KCTD2: variants seen among roughly 807,000 people sequenced by gnomAD.
The protein encoded by KCTD2 is potassium channel tetramerization domain containing 2, also known as BTB/POZ domain-containing protein KCTD2.
Under a neutral mutation model 27.9 loss-of-function variants are expected in KCTD2, and 18 were observed. That is an observed-to-expected ratio of 0.64 (90% CI 0.45 to 0.96). KCTD2 has a LOEUF of 0.96. Among genes scored for constraint, KCTD2 ranks in the 40% least tolerant of loss-of-function variants. The pLI is 0.00. For synonymous variants in KCTD2, 175 were observed against 148.4 expected, an observed-to-expected ratio of 1.18 and a Z score of -1.30; for missense variants, 280 against 348.0, an observed-to-expected ratio of 0.80 and a Z score of 1.56.
intron 2 of KCTD2, among the ~76,000 whole-genome samples, chr17:75,034,399 AAAAGAAACC>A (rs1185700664): frequency 1.3e-5 from 2 of 152,144 alleles, no homozygotes; most frequent in Non-Finnish European, 2.9e-5. Context: ...TGCCGGCACC[AAAAGAAACC>A]TTGCGAGCAC....
intron 1 of KCTD2, 115 bp downstream of exon 1, chr17:75,047,704 C>G: frequency 1.0e-6 from 1 of 975,602 alleles, no homozygotes; most frequent in Non-Finnish European, 1.5e-6. Flanking sequence ...GGCCGGGACC[C>G]CATCCTCCCC....
At chr17:75,045,089 T>G (rs187690080), upstream of KCTD2, among the ~76,000 whole-genome samples, 199 of 152,266 alleles carry the variant, frequency 1.3e-3, no homozygotes, top group Non-Finnish European at 1.2e-4. Flanking sequence ...AGAGAGAAAT[T>G]TTAAAGCTGG....
rs899498847 is a variant in KCTD2, at chr17:75,060,536, C to T, written c.636+931C>T. On this transcript the variant is annotated intron_variant, in intron 4 of 5. Transcript: ENST00000322444. ...AGCCAAGACCAGCTGCTCTTGATGCCCTTTTCACTTCTGTGTTGTCCTGGT... is the reference window on the plus strand; with the variant it reads ...AGCCAAGACCAGCTGCTCTTGATGCTCTTTTCACTTCTGTGTTGTCCTGGT... 4.3e-6 allele frequency: 7 copies of T among 1,612,742 alleles called. No homozygotes were observed. The African/African-American group carries it at 8.0e-5, about 18-fold the overall frequency.
chr17:75,035,199 C>T (rs962669808), intron 2 of KCTD2: 2 of 152,024 alleles, frequency 1.3e-5, no homozygotes, highest in Non-Finnish European at 2.9e-5. Flanking sequence ...CGTTTTAATC[C>T]CTGCAACTAT....
chr17:75,061,183 C>T (rs1434301249), intron 4 of KCTD2, among the ~76,000 whole-genome samples: 2 of 152,196 alleles, frequency 1.3e-5, no homozygotes, highest in African/African-American at 2.4e-5. Flanking sequence ...AAGTTTGTTT[C>T]AGACAGGCGG....
At chr17:75,059,788 G>T (rs1198383903) in intron 4 of KCTD2, among the ~76,000 whole-genome samples, 183 bp downstream of exon 4, 1 of 152,224 alleles carries the variant, frequency 6.6e-6, no homozygotes, top group Non-Finnish European at 1.5e-5. Context: ...TGCGTGAGGA[G>T]TTGGGGAAAC....
intron 3 of KCTD2, among the ~76,000 whole-genome samples, chr17:75,037,788 G>A (rs1193290389): frequency 2.0e-5 from 3 of 152,106 alleles, no homozygotes; most frequent in Non-Finnish European, 2.9e-5. Context: ...AGTGGCCCAC[G>A]CCTGTAATCC....
At chr17:75,040,355 C>T (rs963186043) in intron 3 of KCTD2, 17 of 631,808 alleles carry the variant, frequency 2.7e-5, no homozygotes, top group Non-Finnish European at 5.6e-6. Context: ...GAATATTAGA[C>T]TGGGAACAGG....
At chr17:75,033,714 G>T (rs1419233701) in intron 1 of KCTD2, among the ~76,000 whole-genome samples, 1 of 152,260 alleles carries the variant, frequency 6.6e-6, no homozygotes, top group Non-Finnish European at 1.5e-5. Flanking sequence ...AGTGCCGGGG[G>T]CTGGGGGCTG....
At chr17:75,047,165 G>A (rs2073230052), upstream of KCTD2, 2 of 349,078 alleles carry the variant, frequency 5.7e-6, no homozygotes, top group African/African-American at 2.2e-5. Flanking sequence ...CCCCACCCCC[G>A]CCGATGGGCC....
In KCTD2 at chr17:75,037,169, C is replaced by T. The variant is rs2073110590; in HGVS notation, c.-259+1812C>T. Among the ~76,000 whole-genome samples the T allele has an allele frequency of 1.3e-5, 2 of 151,988 alleles. 1 individual carries two copies. Among genetic ancestry groups the T allele is most frequent in the South Asian group, 4.2e-4 (2 of 4,804 alleles). On this transcript the variant is annotated intron_variant, in intron 3 of 7. Coordinates refer to the KCTD2 transcript ENST00000581589. ...ACCGTCCTGCCTAACACGATGAAAC[C>T]CCGTCTCTACTAAAAATACAAAAAA...
chr17:75,061,292 C>T (rs950082754), intron 4 of KCTD2, among the ~76,000 whole-genome samples: 2 of 152,226 alleles, frequency 1.3e-5, no homozygotes, highest in South Asian at 4.2e-4. Context: ...GAGCTGCTCC[C>T]CTGCGTGTGT....
intron 3 of KCTD2, among the ~76,000 whole-genome samples, chr17:75,058,338 G>A (rs201766965): frequency 4.9e-4 from 71 of 145,622 alleles, no homozygotes; most frequent in East Asian, 2.3e-3. Context: ...AAAAAAAAAG[G>A]AAAAAAAAAT....
At position 75,047,245 on chromosome 17, in the gene KCTD2, T is replaced by G. The variant is rs2073231829; in HGVS notation, c.-6T>G. The G allele has an allele frequency of 1.3e-6, 1 of 794,130 alleles. No individual in the cohort carries two copies. The highest frequency in any genetic ancestry group is 1.6e-6 in the Non-Finnish European group (1 of 640,482). 49.2% of individuals were successfully genotyped at this position (794,130 alleles called of 1,614,324 possible). A position where few individuals can be genotyped will look rare whatever the true frequency, so the allele number is the denominator to read the frequency against. On this transcript the variant is annotated 5_prime_UTR_variant, in exon 1 of 6. Coordinates refer to ENST00000322444, the MANE Select transcript of KCTD2 (RefSeq NM_015353.3). ...CGGGCAGCAGCGGTGGCGGCGGCGG[T>G]CCAAGATGGCGGAACTGCAGCTGGA...
rs148590001 is a variant in KCTD2 at position 75,047,544 on chromosome 17, C to T, written c.294C>T (p.Leu98=). 15 of 1,611,770 alleles carry T rather than the reference C, an allele frequency of 9.3e-6. No individual in the cohort carries two copies. The African/African-American group carries it at 1.6e-4, about 17-fold the overall frequency. The part of the protein sequence containing the change: ...QTLGREPKSF[L]CRLCCQEDPE... Reference sequence around the variant, plus strand: ...TAGGCCGGGAGCCCAAGTCATTTCTCTGCCGCCTCTGCTGCCAGGAGGACC... The same window carrying T: ...TAGGCCGGGAGCCCAAGTCATTTCTTTGCCGCCTCTGCTGCCAGGAGGACC... The change falls in exon 1 of 6, where the codon CTC becomes CTT. Residue 98 remains leucine (L), a synonymous_variant. Transcript: ENST00000322444.
chr17:75,053,142 A>G (rs747801741), intron 3 of KCTD2, 37 bp downstream of exon 3: 2 of 1,518,548 alleles, frequency 1.3e-6, no homozygotes, highest in Non-Finnish European at 1.8e-6. Flanking sequence ...GGTTGTTTCA[A>G]GTGGGCTTCT....
chr17:75,057,922 C>G (rs1473614319), intron 3 of KCTD2, among the ~76,000 whole-genome samples: 1 of 152,108 alleles, frequency 6.6e-6, no homozygotes, highest in Non-Finnish European at 1.5e-5. Context: ...CGGCCGGACA[C>G]AGTGGCTCAT....
intron 3 of KCTD2, among the ~76,000 whole-genome samples, chr17:75,035,788 G>A (rs370862858): frequency 5.9e-5 from 9 of 152,206 alleles, no homozygotes; most frequent in African/African-American, 2.2e-4. Context: ...AGCCGTGATC[G>A]CGCCACTGCA....
chr17:75,048,499 G>T (rs1438011528), intron 1 of KCTD2, among the ~76,000 whole-genome samples: 1 of 152,162 alleles, frequency 6.6e-6, no homozygotes, highest in Non-Finnish European at 1.5e-5. Flanking sequence ...ATCTCAGATT[G>T]ATGGAAACCT....
Sources: allele counts gnomAD v4.1 joint callset (sites outside exome capture counted in the v4.1 genomes callset), GRCh38; gene constraint gnomAD v4.1.1; transcripts MANE v1.5; gene names NCBI Gene and HGNC (gene_info 2026-07-23, HGNC 2026-07-21).